Variants in SLC25A46 observed in about 807,000 individuals in gnomAD.
SLC25A46 encodes the protein solute carrier family 25 member 46, also known as mitochondrial outer membrane protein SLC25A46.
SLC25A46 carries 39 observed loss-of-function variants against 44.6 expected under a neutral mutation model. The observed-to-expected ratio is 0.87, with a 90% CI of 0.68 to 1.14. SLC25A46 has a LOEUF of 1.14. SLC25A46 is among the 50% of genes most tolerant of loss of function. The pLI, the probability that SLC25A46 is intolerant of heterozygous loss-of-function variation, is 0.00. For missense variants in SLC25A46, 547 were observed against 522.7 expected (o/e 1.05, Z -0.45); for synonymous variants, 202 against 185.8 (o/e 1.09, Z -0.71).
rs373558070 is a variant in SLC25A46, at chr5:110,739,031, G to T, written c.-89G>T. 2 of 1,487,978 alleles carry T rather than the reference G, an allele frequency of 1.3e-6. No individual in the cohort carries two copies. Among genetic ancestry groups the T allele is most frequent in the African/African-American group, 1.4e-5 (1 of 70,134 alleles). 92.2% of individuals were successfully genotyped at this position (1,487,978 alleles called of 1,614,324 possible). A position where few individuals can be genotyped will look rare whatever the true frequency, so the allele number is the denominator to read the frequency against. The stretch of plus-strand genomic sequence containing the variant: ...CAGAATTTACCCCTGACGCGGCGGC[G>T]GCCGACGGGAAGCTGTGTGTGCTTA... On this transcript the variant is annotated 5_prime_UTR_variant, in exon 1 of 8. Coordinates refer to ENST00000355943, the MANE Select transcript of SLC25A46 (RefSeq NM_138773.4).
Position 110,755,500 on chromosome 5 carries a change from G to A in SLC25A46, c.599G>A (p.Gly200Glu). 1.3e-6 allele frequency: 2 copies of A among 1,574,172 alleles called. No individual in the cohort carries two copies. Among genetic ancestry groups the A allele is most frequent in the Non-Finnish European group, 1.7e-6 (2 of 1,162,312 alleles). The part of the protein sequence containing the change: ...VLHKWSPKQI[G>E]EHLLLKSLTY... ...CATAAATGGAGTCCTAAACAAATAGGAGAACACCTTCTACTGAAATCGTAA... is the reference window on the plus strand; with the variant it reads ...CATAAATGGAGTCCTAAACAAATAGAAGAACACCTTCTACTGAAATCGTAA... The change falls in exon 6 of 8, where the codon GGA becomes GAA. Residue 200 changes from glycine (G) to glutamate (E), a missense_variant. Coordinates refer to ENST00000355943, the MANE Select transcript of SLC25A46 (RefSeq NM_138773.4).
intron 5 of SLC25A46, among the ~76,000 whole-genome samples, chr5:110,750,956 T>A (rs534191588): frequency 8.6e-4 from 131 of 152,330 alleles, no homozygotes; most frequent in African/African-American, 3.1e-3. Flanking sequence ...TAGGACTTTA[T>A]AAAATTTTAT....
At chr5:110,759,796 CTG>C (rs1800203234) in intron 7 of SLC25A46, among the ~76,000 whole-genome samples, 1 of 152,050 alleles carries the variant, frequency 6.6e-6, no homozygotes, top group African/African-American at 2.4e-5. Context: ...TAAAAATAAA[CTG>C]GAGTGGGAAG....
chr5:110,743,812 T>C (rs1364818673), intron 3 of SLC25A46, 25 bp downstream of exon 3: 1 of 1,582,086 alleles, frequency 6.3e-7, no homozygotes, highest in Non-Finnish European at 8.7e-7. Flanking sequence ...TGTGATCTTT[T>C]GAAGCAATAC....
chr5:110,761,846 G>C lies in SLC25A46; in HGVS notation c.*64G>C, dbSNP rs1800261168. 1.5e-6 allele frequency: 2 copies of C among 1,338,038 alleles called. No individual in the cohort carries two copies. Among genetic ancestry groups the C allele is most frequent in the African/African-American group, 1.5e-5 (1 of 68,440 alleles). The allele number at this position is 1,338,038 out of a possible 1,614,324, so 82.9% of individuals were successfully genotyped here. On this transcript the variant is annotated 3_prime_UTR_variant, in exon 8 of 8. Coordinates refer to ENST00000355943, the MANE Select transcript of SLC25A46 (RefSeq NM_138773.4). This position sits in a 1 kb window ranked among gnomAD's most constrained non-coding sequence, Gnocchi z 5.3. The stretch of plus-strand genomic sequence containing the variant: ...TCTGGATAATTTGCTATGAAGTTAT[G>C]AGGGATACAAGTGAAATACTGGGGA...
intron 7 of SLC25A46, among the ~76,000 whole-genome samples, chr5:110,759,361 A>C (rs1314138835): frequency 3.9e-5 from 6 of 152,154 alleles, no homozygotes; most frequent in African/African-American, 1.2e-4. Flanking sequence ...TTCTAAGTAG[A>C]GGGAAGGCAA....
At chr5:110,753,195 TG>T (rs1163744923) in intron 5 of SLC25A46, 2 of 151,776 alleles carry the variant, frequency 1.3e-5, no homozygotes, top group Non-Finnish European at 2.9e-5. Context: ...CAGAGGTGAG[TG>T]GGAAAGTACA....
At chr5:110,759,431 T>G (rs1335627408) in intron 7 of SLC25A46, among the ~76,000 whole-genome samples, 5 of 152,008 alleles carry the variant, frequency 3.3e-5, no homozygotes, top group African/African-American at 1.2e-4. Context: ...GCTTGAGAAG[T>G]AGGAAGGATG....
chr5:110,748,434 A>G (rs1054612437), intron 5 of SLC25A46, among the ~76,000 whole-genome samples, 171 bp downstream of exon 5: 1 of 152,152 alleles, frequency 6.6e-6, no homozygotes, highest in African/African-American at 2.4e-5. Flanking sequence ...CATACCCAAT[A>G]GGTAGCTTTC....
chr5:110,752,284 G>T (rs1799984251), intron 5 of SLC25A46, among the ~76,000 whole-genome samples: 4 of 152,146 alleles, frequency 2.6e-5, no homozygotes, highest in Non-Finnish European at 5.9e-5. Flanking sequence ...TATTAGCCAG[G>T]ATCGTCATGT....
In SLC25A46 at chr5:110,761,337, A is replaced by G; in HGVS notation, c.812A>G (p.His271Arg). 2.5e-6 allele frequency: 4 copies of G among 1,613,780 alleles called. No homozygotes were observed. Among genetic ancestry groups the G allele is most frequent in the Non-Finnish European group, 2.5e-6 (3 of 1,179,816 alleles). ...TCCTTGATCTTCCCTACGGTGCTTC[A>G]TGGAGTTCTTCATTACATCATCAGC... Reference protein sequence around the residue: ...LLSLIFPTVLHGVLHYIISSV... With the variant: ...LLSLIFPTVLRGVLHYIISSV... Residue 271 changes from histidine to arginine, a missense_variant, in exon 8 of 8, where the codon CAT (histidine) becomes CGT (arginine). By Grantham distance (29) the His-to-Arg change is conservative. Transcript: ENST00000355943. This position sits in a 1 kb window ranked among gnomAD's most constrained non-coding sequence, Gnocchi z 5.3.
intron 7 of SLC25A46, among the ~76,000 whole-genome samples, chr5:110,758,499 A>C (rs1013798151): frequency 2.0e-5 from 3 of 152,106 alleles, no homozygotes; most frequent in Non-Finnish European, 2.9e-5. Context: ...ATAATTACCC[A>C]GTCATCATGA....
chr5:110,757,863 A>G (rs1371349454), intron 7 of SLC25A46, among the ~76,000 whole-genome samples: 1 of 152,186 alleles, frequency 6.6e-6, no homozygotes, highest in African/African-American at 2.4e-5. Flanking sequence ...AGCTTGAGAC[A>G]GACCCATTAT....
At position 110,747,533 on chromosome 5, in the gene SLC25A46, AATAATATAG is replaced by A. The variant is rs1449588233; in HGVS notation, c.463-616_463-608del. 2.9e-4 allele frequency among the ~76,000 whole-genome samples: 44 copies of A among 152,018 alleles called. 1 individual carries two copies. The highest frequency in any genetic ancestry group is 6.2e-4 in the South Asian group (3 of 4,828). ...TTTAATTCTATCATGTATATCTATT[AATAATATAG>A]ATAATATAGATAAATAATAGGAGTA... On this transcript the variant is annotated intron_variant, in intron 4 of 7. Transcript: ENST00000355943.
chr5:110,763,268 T>C lies in SLC25A46; in HGVS notation c.*1486T>C, dbSNP rs1289554132. On this transcript the variant is annotated 3_prime_UTR_variant, in exon 8 of 8. Coordinates refer to ENST00000355943, the MANE Select transcript of SLC25A46 (RefSeq NM_138773.4). ...ACCAAGAATGCATACGAATAGAAAT[T>C]CATTTTACTTGCTAAATGTCACAGA... 6.6e-6 allele frequency: 1 copy of C among 151,902 alleles called. No individual in the cohort carries two copies. Among genetic ancestry groups the C allele is most frequent in the Non-Finnish European group, 1.5e-5 (1 of 67,874 alleles). The allele number at this position is 151,902 out of a possible 1,614,324, so 9.4% of individuals were successfully genotyped here.
In SLC25A46 at chr5:110,765,038, G is replaced by A. The variant is rs1440978441; in HGVS notation, c.*3256G>A. On this transcript the variant is annotated 3_prime_UTR_variant, in exon 8 of 8. Transcript: ENST00000355943. ...GATTTGACAATGAAATTTACATATT[G>A]CCTCACCTAGAGATGTTTTGTCTGT... 1 of 151,256 alleles carries A rather than the reference G, an allele frequency of 6.6e-6. No individual in the cohort carries two copies. Among genetic ancestry groups the A allele is most frequent in the East Asian group, 1.9e-4 (1 of 5,132 alleles). 9.4% of individuals were successfully genotyped at this position (151,256 alleles called of 1,614,324 possible). A position where few individuals can be genotyped will look rare whatever the true frequency, so the allele number is the denominator to read the frequency against.
At chr5:110,738,323 T>C, upstream of SLC25A46, 1 of 1,116,886 alleles carries the variant, frequency 9.0e-7, no homozygotes, top group Non-Finnish European at 1.2e-6. Flanking sequence ...ATAACTGGGA[T>C]TTCAATACCC....
At chr5:110,743,840 A>G in intron 3 of SLC25A46, 53 bp downstream of exon 3, 1 of 1,331,210 alleles carries the variant, frequency 7.5e-7, no homozygotes, top group Non-Finnish European at 1.1e-6. Context: ...CCTAATATGA[A>G]GGGCAGAACT....
Position 110,739,059 on chromosome 5 carries a change from T to G in SLC25A46, c.-61T>G. ...CGACGGGAAGCTGTGTGTGCTTAGG[T>G]CGTGGTGGCCCCGGTGGTGGTGGGC... On this transcript the variant is annotated 5_prime_UTR_variant, in exon 1 of 8. Coordinates refer to ENST00000355943, the MANE Select transcript of SLC25A46 (RefSeq NM_138773.4). 2 of 1,524,040 alleles carry G rather than the reference T, an allele frequency of 1.3e-6. No individual in the cohort carries two copies. The highest frequency in any genetic ancestry group is 1.8e-6 in the Non-Finnish European group (2 of 1,141,806). The allele number at this position is 1,524,040 out of a possible 1,614,324, so 94.4% of individuals were successfully genotyped here. A position where few individuals can be genotyped will look rare whatever the true frequency, so the allele number is the denominator to read the frequency against.
Sources: gnomAD v4.1 joint callset for allele counts (sites outside exome capture counted in the v4.1 genomes callset) on GRCh38, gnomAD v4.1.1 for gene constraint, Gnocchi (gnomAD v3.1) non-coding constraint, MANE v1.5 for transcripts, NCBI Gene and HGNC (gene_info 2026-07-23, HGNC 2026-07-21) for gene names.